PSEN1: variants seen among roughly 807,000 people sequenced by gnomAD.
PSEN1 encodes the protein presenilin 1.
Under a neutral mutation model 53.5 loss-of-function variants are expected in PSEN1, and 15 were observed. The ratio of observed to expected loss-of-function variants is 0.28; its 90% CI spans 0.19 to 0.43. The LOEUF (loss-of-function observed/expected upper bound fraction) is 0.43. Among genes scored for constraint, PSEN1 ranks in the 20% least tolerant of loss-of-function variants. The probability of loss-of-function intolerance (pLI) is 1.00; values close to 1 mark genes in which losing one functional copy is unlikely to be tolerated. For missense variants in PSEN1, 387 were observed against 571.2 expected (o/e 0.68, Z 3.29); for synonymous variants, 208 against 209.8 (o/e 0.99, Z 0.08).
chr14:73,148,387 A>G (rs1594965102), intron 3 of PSEN1, among the ~76,000 whole-genome samples: 1 of 152,202 alleles, frequency 6.6e-6, no homozygotes, highest in Non-Finnish European at 1.5e-5. Flanking sequence ...TTATTATTTT[A>G]CCTATCTTGC....
chr14:73,186,954 A>T (rs1199285952), intron 6 of PSEN1, 34 bp downstream of exon 6: 15 of 1,472,760 alleles, frequency 1.0e-5, no homozygotes, highest in Non-Finnish European at 1.4e-5. Flanking sequence ...GTCTTTCAGA[A>T]TTAACTACCT....
intron 5 of PSEN1, among the ~76,000 whole-genome samples, chr14:73,178,221 T>C (rs868833864): frequency 0.014 from 2,052 of 145,314 alleles, 47 homozygotes; most frequent in African/African-American, 0.048. Context: ...ACCCGGCCCT[T>C]TTTTTTTTTT....
intron 8 of PSEN1, 164 bp from the exon 9 acceptor site, chr14:73,206,222 T>C (rs1566650474): frequency 1.5e-6 from 1 of 662,664 alleles, no homozygotes; most frequent in African/African-American, 1.8e-5. Flanking sequence ...TCTTACCTGC[T>C]AAAACCAAAG....
In PSEN1 at chr14:73,183,889, C is replaced by G. The variant is rs1012542064; in HGVS notation, c.481-2964C>G. On this transcript the variant is annotated intron_variant, in intron 5 of 11. Coordinates refer to ENST00000324501, the MANE Select transcript of PSEN1 (RefSeq NM_000021.4). ...GTAGGGGCGGCCGGGCAGAGGTGCCCCTCACCTCCCGGGCGGGGCGGCTGG... is the reference window on the plus strand; with the variant it reads ...GTAGGGGCGGCCGGGCAGAGGTGCCGCTCACCTCCCGGGCGGGGCGGCTGG... Among the ~76,000 whole-genome samples, 16 of 150,502 alleles carry G rather than the reference C, an allele frequency of 1.1e-4. 1 individual carries two copies. Among genetic ancestry groups the G allele is most frequent in the African/African-American group, 3.9e-4 (16 of 40,520 alleles).
intron 6 of PSEN1, among the ~76,000 whole-genome samples, chr14:73,189,455 A>G (rs1305953291): frequency 2.0e-5 from 3 of 152,074 alleles, no homozygotes; most frequent in Non-Finnish European, 2.9e-5. Flanking sequence ...TACTAAAAAT[A>G]CAAAAAATTA....
At chr14:73,162,126 C>T (rs1897563974) in intron 3 of PSEN1, among the ~76,000 whole-genome samples, 1 of 151,078 alleles carries the variant, frequency 6.6e-6, no homozygotes. Context: ...TTGCAGTGAG[C>T]CAAGATTGCG....
At chr14:73,178,431 G>A (rs1175615374) in intron 5 of PSEN1, among the ~76,000 whole-genome samples, 5 of 146,654 alleles carry the variant, frequency 3.4e-5, no homozygotes, top group South Asian at 2.2e-4. Flanking sequence ...CAAGTGATCC[G>A]TCTGCCTCAG....
intron 8 of PSEN1, among the ~76,000 whole-genome samples, chr14:73,200,351 C>G (rs1053392283): frequency 6.6e-6 from 1 of 152,136 alleles, no homozygotes; most frequent in African/African-American, 2.4e-5. Flanking sequence ...CTCACTGCAA[C>G]CTCCATCTCC....
intron 5 of PSEN1, among the ~76,000 whole-genome samples, chr14:73,181,271 C>G (rs187394757): frequency 1.4e-3 from 213 of 152,044 alleles, no homozygotes; most frequent in African/African-American, 4.9e-3. Flanking sequence ...GAAATCCTGT[C>G]TCTACTAAAA....
intron 1 of PSEN1, among the ~76,000 whole-genome samples, chr14:73,140,435 T>C (rs1245900690): frequency 6.6e-6 from 1 of 152,060 alleles, no homozygotes; most frequent in East Asian, 1.9e-4. Flanking sequence ...GGTCTCGAAC[T>C]CCTGACCTCG....
intron 3 of PSEN1, among the ~76,000 whole-genome samples, chr14:73,163,983 A>G (rs1897633419): frequency 6.6e-6 from 1 of 152,198 alleles, no homozygotes. Context: ...AGGGGAGCAT[A>G]AAAGCAGAAA....
chr14:73,156,797 C>T (rs1897369066), intron 3 of PSEN1, among the ~76,000 whole-genome samples: 1 of 151,196 alleles, frequency 6.6e-6, no homozygotes, highest in South Asian at 2.1e-4. Context: ...AGAGTAGCTG[C>T]GACTACAGGC....
chr14:73,166,870 A>C (rs969623379), intron 3 of PSEN1, among the ~76,000 whole-genome samples: 5 of 152,186 alleles, frequency 3.3e-5, no homozygotes, highest in Non-Finnish European at 7.3e-5. Context: ...TTGAAGAGAA[A>C]TCCTGACCTC....
chr14:73,202,536 G>A (rs534344531), intron 8 of PSEN1, among the ~76,000 whole-genome samples: 58 of 115,682 alleles, frequency 5.0e-4, no homozygotes, highest in Admixed American at 1.1e-3. Flanking sequence ...GCAGTAGCGT[G>A]ATCTCGACTC....
Position 73,184,413 on chromosome 14 carries a change from C to G in PSEN1, c.481-2440C>G, listed in dbSNP as rs866117211. ...GGGCTGACCCCCCCACCTCCCTCTC[C>G]GACGGGGCGGCTGGCCTGGCAGAGG... On this transcript the variant is annotated intron_variant, in intron 5 of 11. Coordinates refer to ENST00000324501, the MANE Select transcript of PSEN1 (RefSeq NM_000021.4). 1.7e-3 allele frequency among the ~76,000 whole-genome samples: 85 copies of G among 48,938 alleles called. 1 individual carries two copies. Among genetic ancestry groups the G allele is most frequent in the East Asian group, 4.4e-3 (3 of 686 alleles). 32.1% of individuals were successfully genotyped at this position (48,938 alleles called of 152,430 possible).
chr14:73,206,536 A>G, intron 9 of PSEN1, 64 bp downstream of exon 9: 1 of 1,119,350 alleles, frequency 8.9e-7, no homozygotes, highest in Non-Finnish European at 1.4e-6. Context: ...CTAACAGTAT[A>G]GCAATGTTTT....
intron 1 of PSEN1, chr14:73,139,419 A>G (rs1012679777): frequency 1.3e-5 from 2 of 151,874 alleles, no homozygotes; most frequent in Non-Finnish European, 2.9e-5. Context: ...GTGTCTACTA[A>G]AAATACAAAA....
intron 7 of PSEN1, among the ~76,000 whole-genome samples, chr14:73,194,793 C>T (rs966765106): frequency 3.3e-5 from 5 of 151,966 alleles, no homozygotes; most frequent in Non-Finnish European, 7.4e-5. Flanking sequence ...TGATCTCGAT[C>T]TCCTGACCTC....
rs1461356765 is a variant in PSEN1, at chr14:73,211,755, ACTTTCT to A, written c.956-10_956-5del. 6.2e-7 allele frequency: 1 copy of A among 1,613,828 alleles called. No individual in the cohort carries two copies. Among genetic ancestry groups the A allele is most frequent in the Non-Finnish European group, 8.5e-7 (1 of 1,179,830 alleles). ...TCTAAATATTAGAGCTGTAACTTCCACTTTCTCTTGAAGGCACAGAAAGGGAGTCAC... is the reference window on the plus strand; with the variant it reads ...TCTAAATATTAGAGCTGTAACTTCCACTTGAAGGCACAGAAAGGGAGTCAC... On this transcript the variant is annotated splice_region_variant and splice_polypyrimidine_tract_variant and intron_variant, in intron 9 of 11. Coordinates refer to ENST00000324501, the MANE Select transcript of PSEN1 (RefSeq NM_000021.4).
Sources: allele counts gnomAD v4.1 joint callset (sites outside exome capture counted in the v4.1 genomes callset), GRCh38; gene constraint gnomAD v4.1.1; transcripts MANE v1.5; gene names NCBI Gene and HGNC (gene_info 2026-07-23, HGNC 2026-07-21).